CDH12: variants seen among roughly 807,000 people sequenced by gnomAD.
CDH12 encodes the protein cadherin-12.
In CDH12, 41 loss-of-function variants were observed where a neutral mutation model predicts 74.1. The ratio of observed to expected loss-of-function variants is 0.55; its 90% CI spans 0.43 to 0.72. CDH12 has a LOEUF of 0.72. CDH12 is among the 30% of genes least tolerant of loss of function. The pLI is 0.00. For missense variants in CDH12, 945 were observed against 977.2 expected (o/e 0.97, Z 0.44); for synonymous variants, 399 against 355.0 (o/e 1.12, Z -1.39).
At chr5:22,432,608 T>C (rs946498511) in intron 2 of CDH12, among the ~76,000 whole-genome samples, 7 of 151,988 alleles carry the variant, frequency 4.6e-5, no homozygotes, top group Admixed American at 4.6e-4. Context: ...GAAGTCGTGA[T>C]TGACAAGAAT....
intron 1 of CDH12, among the ~76,000 whole-genome samples, chr5:22,683,075 T>A (rs1365709366): frequency 6.6e-6 from 1 of 152,186 alleles, no homozygotes; most frequent in Non-Finnish European, 1.5e-5. Flanking sequence ...GCTGATAACA[T>A]GATCTATTGT....
chr5:22,117,905 A>G (rs371926729), intron 4 of CDH12, among the ~76,000 whole-genome samples: 1 of 152,080 alleles, frequency 6.6e-6, no homozygotes, highest in African/African-American at 2.4e-5. Context: ...TTAATTTTAC[A>G]ATAATTCAAT....
intron 3 of CDH12, among the ~76,000 whole-genome samples, chr5:22,348,971 C>T (rs769493985): frequency 2.0e-5 from 3 of 152,128 alleles, no homozygotes; most frequent in Admixed American, 6.5e-5. Flanking sequence ...AAATCCTAAC[C>T]ACCAAGGTGG....
At chr5:22,520,986 TC>T (rs1737030888) in intron 1 of CDH12, among the ~76,000 whole-genome samples, 2 of 145,618 alleles carry the variant, frequency 1.4e-5, no homozygotes. Context: ...CTTCTTTCTT[TC>T]TTTCTTTTTT....
At chr5:22,054,813 G>A (rs1740626547) in intron 5 of CDH12, among the ~76,000 whole-genome samples, 1 of 152,050 alleles carries the variant, frequency 6.6e-6, no homozygotes, top group Admixed American at 6.6e-5. Flanking sequence ...AAAATCGTAT[G>A]TTAAAGCCAA....
At chr5:21,813,472 C>T (rs1320018913) in intron 9 of CDH12, among the ~76,000 whole-genome samples, 1 of 152,004 alleles carries the variant, frequency 6.6e-6, no homozygotes, top group Non-Finnish European at 1.5e-5. Context: ...AAGAGCAAAA[C>T]TCCATATCAA....
At chr5:22,077,733 G>A (rs760721279) in intron 5 of CDH12, among the ~76,000 whole-genome samples, 2 of 151,966 alleles carry the variant, frequency 1.3e-5, no homozygotes, top group Non-Finnish European at 2.9e-5. Flanking sequence ...TAACTGTCCT[G>A]AAACAGATAG....
Position 22,132,413 on chromosome 5 carries a change from A to G in CDH12, c.-186-53551T>C, listed in dbSNP as rs1481534159. Reference sequence around the variant, plus strand: ...GTGTTTACATTATTTGTCTTTTTCCATTAGATACTTGCCACAGTTATATTA... The same window carrying G: ...GTGTTTACATTATTTGTCTTTTTCCGTTAGATACTTGCCACAGTTATATTA... On this transcript the variant is annotated intron_variant, in intron 4 of 14. Transcript: ENST00000382254. Among the ~76,000 whole-genome samples the G allele has an allele frequency of 2.6e-5, 4 of 152,076 alleles. No individual in the cohort carries two copies. The East Asian group carries it at 7.7e-4, about 29-fold the overall frequency.
At chr5:22,349,792 T>C (rs531523789) in intron 3 of CDH12, among the ~76,000 whole-genome samples, 90 of 152,314 alleles carry the variant, frequency 5.9e-4, no homozygotes, top group Admixed American at 1.2e-3. Context: ...TGGAGTGCAG[T>C]GGCGCAATCT....
chr5:22,728,541 G>GA (rs1321548990), intron 1 of CDH12, among the ~76,000 whole-genome samples: 1 of 151,742 alleles, frequency 6.6e-6, no homozygotes, highest in African/African-American at 2.4e-5. Flanking sequence ...ATTATTCAAG[G>GA]AAAAAAATTC....
At chr5:22,247,764 A>G (rs1561253438) in intron 3 of CDH12, among the ~76,000 whole-genome samples, 1 of 152,190 alleles carries the variant, frequency 6.6e-6, no homozygotes, top group Non-Finnish European at 1.5e-5. Context: ...AAAATTCTAT[A>G]TGTCTTTTAG....
chr5:21,763,564 TA>T (rs1744843134), intron 12 of CDH12, among the ~76,000 whole-genome samples: 1 of 152,218 alleles, frequency 6.6e-6, no homozygotes, highest in African/African-American at 2.4e-5. Flanking sequence ...ATAGTTACGC[TA>T]TTTAAAGGTG....
At chr5:22,367,035 T>C (rs1741065248) in intron 3 of CDH12, among the ~76,000 whole-genome samples, 1 of 152,220 alleles carries the variant, frequency 6.6e-6, no homozygotes, top group Admixed American at 6.5e-5. Context: ...TCAGAAAGTA[T>C]TTGTGCAAAA....
intron 1 of CDH12, among the ~76,000 whole-genome samples, chr5:22,720,508 G>A (rs1214596029): frequency 3.3e-5 from 5 of 152,084 alleles, no homozygotes; most frequent in Non-Finnish European, 7.4e-5. Flanking sequence ...GCAGAGAGTG[G>A]GGGCACTGCT....
At chr5:22,754,978 C>T (rs1181030870) in intron 1 of CDH12, among the ~76,000 whole-genome samples, 4 of 152,146 alleles carry the variant, frequency 2.6e-5, no homozygotes, top group Non-Finnish European at 5.9e-5. Context: ...TTCTCACAGT[C>T]TCTAACCCAT....
In CDH12 at chr5:21,981,126, G is replaced by A. The variant is rs563116187; in HGVS notation, c.232-5741C>T. Among the ~76,000 whole-genome samples, 24 of 151,994 alleles carry A rather than the reference G, an allele frequency of 1.6e-4. 1 individual carries two copies. In the South Asian group the frequency reaches 2.7e-3, roughly 17 times the overall value. ...ATAGTAGTTCTTTAATTATAAATTC[G>A]AATAATATTTGTTGACTTCCAAACT... On this transcript the variant is annotated intron_variant, in intron 5 of 14. Coordinates refer to ENST00000382254, the MANE Select transcript of CDH12 (RefSeq NM_004061.5).
At chr5:22,754,387 T>C (rs1389251446) in intron 1 of CDH12, among the ~76,000 whole-genome samples, 4 of 151,906 alleles carry the variant, frequency 2.6e-5, no homozygotes, top group African/African-American at 9.6e-5. Flanking sequence ...CAGATGGGCA[T>C]TGAGACAAGT....
intron 3 of CDH12, among the ~76,000 whole-genome samples, chr5:22,377,424 G>A (rs1324080281): frequency 6.6e-6 from 1 of 152,114 alleles, no homozygotes; most frequent in African/African-American, 2.4e-5. Flanking sequence ...TCTAAAATGA[G>A]CCTTCCTGGT....
At position 22,295,146 on chromosome 5, in the gene CDH12, T is replaced by A. The variant is rs374117977; in HGVS notation, c.-332-82503A>T. Among the ~76,000 whole-genome samples, 10 of 152,304 alleles carry A rather than the reference T, an allele frequency of 6.6e-5. No individual in the cohort carries two copies. In the East Asian group the frequency reaches 1.9e-3, roughly 29 times the overall value. ...AAAGTTGACGTCACTGCCTACTGCCTCTTCCCTATTGCAATAGTCTTGAGA... is the reference window on the plus strand; with the variant it reads ...AAAGTTGACGTCACTGCCTACTGCCACTTCCCTATTGCAATAGTCTTGAGA... On this transcript the variant is annotated intron_variant, in intron 3 of 14. Coordinates refer to ENST00000382254, the MANE Select transcript of CDH12 (RefSeq NM_004061.5).
Sources: gnomAD v4.1 joint callset for allele counts (sites outside exome capture counted in the v4.1 genomes callset) on GRCh38, gnomAD v4.1.1 for gene constraint, MANE v1.5 for transcripts, NCBI Gene and HGNC (gene_info 2026-07-23, HGNC 2026-07-21) for gene names.